Variants in CEP85 observed in about 807,000 individuals in gnomAD.
CEP85 encodes the protein centrosomal protein 85, also known as centrosomal protein of 85 kDa.
A neutral mutation model predicts 93.7 loss-of-function variants in CEP85; 58 were observed. The observed-to-expected ratio is 0.62, with a 90% CI of 0.50 to 0.77. CEP85 has a LOEUF of 0.77. Ranked by LOEUF, CEP85 falls within the 30% of genes least tolerant of loss-of-function variation. The pLI is 0.00. For missense variants in CEP85, 868 were observed against 922.0 expected, an observed-to-expected ratio of 0.94 and a Z score of 0.76; for synonymous variants, 314 against 338.6, an observed-to-expected ratio of 0.93 and a Z score of 0.80.
At chr1:26,245,186 T>A (rs932559733) in intron 3 of CEP85, among the ~76,000 whole-genome samples, 1 of 40,240 alleles carries the variant, frequency 2.5e-5, no homozygotes, top group Non-Finnish European at 7.4e-5. Flanking sequence ...CACACCCAGC[T>A]ATTTTTTTTT....
chr1:26,265,263 C>T (rs563973915), intron 7 of CEP85, among the ~76,000 whole-genome samples: 169 of 152,158 alleles, frequency 1.1e-3, no homozygotes, highest in African/African-American at 4.0e-3. Flanking sequence ...GGATTACAGG[C>T]TTGAGCCACT....
At chr1:26,260,566 A>G (rs1331017828) in intron 7 of CEP85, among the ~76,000 whole-genome samples, 2 of 151,988 alleles carry the variant, frequency 1.3e-5, no homozygotes, top group Non-Finnish European at 2.9e-5. Context: ...TACTCTTAGA[A>G]TTGCCTTAGG....
intron 2 of CEP85, among the ~76,000 whole-genome samples, chr1:26,240,903 A>T (rs2089412168): frequency 6.6e-6 from 1 of 152,158 alleles, no homozygotes; most frequent in East Asian, 1.9e-4. Context: ...GTCTCAAAAA[A>T]AAAAAGGGGA....
chr1:26,264,006 C>T (rs981718504), intron 7 of CEP85, among the ~76,000 whole-genome samples: 2 of 152,140 alleles, frequency 1.3e-5, no homozygotes, highest in African/African-American at 2.4e-5. Flanking sequence ...CACCAAGGGA[C>T]GACTGTATTT....
intron 5 of CEP85, 50 bp downstream of exon 5, chr1:26,257,780 T>C (rs1396686331): frequency 1.7e-5 from 27 of 1,602,436 alleles, no homozygotes; most frequent in Non-Finnish European, 2.0e-5. Context: ...CCAGGCCCCA[T>C]TGAAGACACC....
chr1:26,255,821 C>T lies in CEP85; in HGVS notation c.859C>T (p.Arg287Trp), dbSNP rs187115380. 5.5e-5 allele frequency: 88 copies of T among 1,612,968 alleles called. No individual in the cohort carries two copies. Among genetic ancestry groups the T allele is most frequent in the East Asian group, 3.6e-4 (16 of 44,836 alleles). The change falls in exon 4 of 14, where the codon CGG (arginine) becomes TGG (tryptophan). Residue 287 changes from arginine (R) to tryptophan (W), a missense_variant. Coordinates refer to ENST00000451429, the MANE Select transcript of CEP85 (RefSeq NM_001319944.2). ...GCAATCTTGTGAACTCAGCACTTGT[C>T]GGCAGCAGCTGGAATTGATTCGTTT... The part of the protein sequence containing the change: ...REQSCELSTC[R>W]QQLELIRLQM...
Position 26,255,358 on chromosome 1 carries a change from T to C in CEP85, c.396T>C (p.Asn132=). 1 of 1,614,086 alleles carries C rather than the reference T, an allele frequency of 6.2e-7. No homozygotes were observed. ...CTGAAAGTGTGGGAATGACAAGAAA[T>C]GGAGACCTCGGTGCAATGAAACATT... is the stretch of plus-strand genomic sequence containing the variant. ...GLAESVGMTR[N]GDLGAMKHSP... The change falls in exon 4 of 14, where the codon AAT becomes AAC. Residue 132 remains asparagine, a synonymous_variant. Coordinates refer to ENST00000451429, the MANE Select transcript of CEP85 (RefSeq NM_001319944.2).
chr1:26,262,522 G>A (rs530498263), intron 7 of CEP85, among the ~76,000 whole-genome samples: 1 of 151,962 alleles, frequency 6.6e-6, no homozygotes, highest in African/African-American at 2.4e-5. Context: ...GGGGGCGGGG[G>A]ATGTGACTGT....
intron 12 of CEP85, 104 bp from the exon 13 acceptor site, chr1:26,276,431 A>G (rs2090053091): frequency 3.5e-6 from 3 of 845,648 alleles, no homozygotes; most frequent in Non-Finnish European, 5.8e-6. Flanking sequence ...AAGGAGGGAC[A>G]CTGCCTATGA....
At chr1:26,267,717 G>T (rs900632195) in intron 7 of CEP85, among the ~76,000 whole-genome samples, 34 of 152,336 alleles carry the variant, frequency 2.2e-4, no homozygotes, top group African/African-American at 7.2e-4. Context: ...GGAAGCTCCA[G>T]TGAGCTGCTG....
chr1:26,277,066 C>G (rs1393954086), intron 13 of CEP85, 70 bp from the exon 14 acceptor site: 1 of 1,464,682 alleles, frequency 6.8e-7, no homozygotes, highest in Non-Finnish European at 9.5e-7. Context: ...TACTGCCTAT[C>G]CATACTGCAC....
rs757443395 is a variant in CEP85 at position 26,244,293 on chromosome 1, T to G, written c.183T>G (p.Gly61=). The G allele has an allele frequency of 4.3e-5, 69 of 1,614,126 alleles. No individual in the cohort carries two copies. The Middle Eastern group carries it at 3.0e-3, about 70-fold the overall frequency. ...CCGACAGTGGGGACACAGCCATTGG[T>G]ACATCATGCTCAGATATTGCGGAGG... ...SVADSGDTAI[G]TSCSDIAEDF... is the part of the protein sequence containing the mutation. The change falls in exon 3 of 14, where the codon GGT becomes GGG. Residue 61 remains glycine, a synonymous_variant. Transcript: ENST00000451429.
intron 1 of CEP85, among the ~76,000 whole-genome samples, chr1:26,237,109 A>C (rs1182872847): frequency 6.6e-6 from 1 of 152,182 alleles, no homozygotes; most frequent in Non-Finnish European, 1.5e-5. Context: ...TACCACCATC[A>C]TGGCCTTAAC....
intron 12 of CEP85, among the ~76,000 whole-genome samples, chr1:26,276,233 T>C (rs1012921418): frequency 2.6e-5 from 4 of 152,186 alleles, no homozygotes; most frequent in Non-Finnish European, 5.9e-5. Flanking sequence ...ATAGAGTTCC[T>C]AGGGGCGGGA....
intron 7 of CEP85, among the ~76,000 whole-genome samples, chr1:26,264,642 T>C (rs948542495): frequency 3.9e-5 from 6 of 152,204 alleles, no homozygotes; most frequent in Non-Finnish European, 8.8e-5. Flanking sequence ...CCCTTTTCAC[T>C]TGGGAATGCT....
intron 7 of CEP85, among the ~76,000 whole-genome samples, chr1:26,267,148 A>G (rs879787553): frequency 2.0e-5 from 3 of 152,182 alleles, no homozygotes; most frequent in Admixed American, 2.0e-4. Context: ...GGCCACCCGT[A>G]TTTCTGACCA....
chr1:26,244,045 A>G (rs2089470737), intron 2 of CEP85, 121 bp from the exon 3 acceptor site: 1 of 738,214 alleles, frequency 1.4e-6, no homozygotes, highest in Non-Finnish European at 2.1e-6. Flanking sequence ...AAATAGGCAC[A>G]GGAGAGAGAA....
chr1:26,273,086 C>T (rs375777835), intron 11 of CEP85, among the ~76,000 whole-genome samples: 20 of 151,934 alleles, frequency 1.3e-4, no homozygotes, highest in Admixed American at 3.3e-4. Context: ...AGCATAGCAG[C>T]GAGGAGATGT....
intron 3 of CEP85, among the ~76,000 whole-genome samples, chr1:26,244,683 G>T (rs1472685673): frequency 6.6e-6 from 1 of 152,052 alleles, no homozygotes; most frequent in Non-Finnish European, 1.5e-5. Context: ...ACCGTGGCTG[G>T]CTAATTTTTT....
Sources: allele counts gnomAD v4.1 joint callset (sites outside exome capture counted in the v4.1 genomes callset), GRCh38; gene constraint gnomAD v4.1.1; transcripts MANE v1.5; gene names NCBI Gene and HGNC (gene_info 2026-07-23, HGNC 2026-07-21).